Variants in ADCY2 observed in about 807,000 individuals in gnomAD.
ADCY2 encodes adenylate cyclase type 2.
A neutral mutation model predicts 125.2 loss-of-function variants in ADCY2; 31 were observed. That is an observed-to-expected ratio of 0.25 (90% CI 0.19 to 0.33). ADCY2 has a LOEUF of 0.33. ADCY2 is among the 10% of genes least tolerant of loss of function. The probability of loss-of-function intolerance (pLI) is 1.00; values close to 1 mark genes in which losing one functional copy is unlikely to be tolerated. For missense variants in ADCY2, 904 were observed against 1,418.2 expected (o/e 0.64, Z 5.82); for synonymous variants, 512 against 548.4 (o/e 0.93, Z 0.93).
At position 7,396,571 on chromosome 5, in the gene ADCY2, C is replaced by G. The variant is rs1304571662; in HGVS notation, c.210+65C>G. On this transcript the variant is annotated intron_variant, in intron 1 of 24. Transcript: ENST00000338316. This position sits in a 1 kb window ranked among gnomAD's most constrained non-coding sequence, Gnocchi z 5.7. ...CGGCCCTGAGAGGAGCCCGGCCAGCCGAGCCGCGTCCCGCTCCGGGCTGCC... is the reference window on the plus strand; with the variant it reads ...CGGCCCTGAGAGGAGCCCGGCCAGCGGAGCCGCGTCCCGCTCCGGGCTGCC... The G allele has an allele frequency of 1.2e-5, 17 of 1,403,936 alleles. No individual in the cohort carries two copies. The highest frequency in any genetic ancestry group is 4.0e-5 in the South Asian group (3 of 74,234). The allele number at this position is 1,403,936 out of a possible 1,614,324, so 87.0% of individuals were successfully genotyped here.
chr5:7,724,639 C>A (rs755377196), intron 13 of ADCY2, 25 bp downstream of exon 13: 2 of 1,492,074 alleles, frequency 1.3e-6, no homozygotes, highest in South Asian at 1.2e-5. Flanking sequence ...TCTTCAAAAT[C>A]ATCAATCGAG....
At chr5:7,411,462 T>C (rs1739715051) in intron 1 of ADCY2, among the ~76,000 whole-genome samples, 1 of 152,242 alleles carries the variant, frequency 6.6e-6, no homozygotes, top group Non-Finnish European at 1.5e-5. Context: ...AGTTTGCAAC[T>C]GCATTGTCAT....
intron 18 of ADCY2, among the ~76,000 whole-genome samples, chr5:7,782,848 CTGT>C (rs530207151): frequency 7.4e-4 from 113 of 152,318 alleles, no homozygotes; most frequent in African/African-American, 2.7e-3. Context: ...TTCAGCTGTG[CTGT>C]TGGACACCGC....
At chr5:7,484,726 T>C (rs1742861117) in intron 2 of ADCY2, among the ~76,000 whole-genome samples, 1 of 152,218 alleles carries the variant, frequency 6.6e-6, no homozygotes, top group Non-Finnish European at 1.5e-5. Flanking sequence ...TTCTCTTGGG[T>C]ACCAGTTTTC....
chr5:7,806,562 C>T (rs917574668), intron 22 of ADCY2, among the ~76,000 whole-genome samples: 8 of 152,218 alleles, frequency 5.3e-5, no homozygotes, highest in Admixed American at 3.3e-4. Flanking sequence ...CTGTCTTGCA[C>T]ACAGCAGCCT....
intron 11 of ADCY2, 113 bp from the exon 12 acceptor site, chr5:7,717,044 A>G (rs1741613436): frequency 1.5e-6 from 1 of 658,784 alleles, no homozygotes; most frequent in African/African-American, 1.8e-5. Flanking sequence ...GCATGCAACA[A>G]AATGTCATCT....
chr5:7,521,506 A>G (rs555999988), intron 3 of ADCY2, among the ~76,000 whole-genome samples: 3 of 152,306 alleles, frequency 2.0e-5, no homozygotes, highest in South Asian at 2.1e-4. Context: ...AAACATGAGG[A>G]TGATTTGGAG....
chr5:7,701,428 C>T (rs182315650), intron 7 of ADCY2, among the ~76,000 whole-genome samples: 31 of 152,276 alleles, frequency 2.0e-4, no homozygotes, highest in African/African-American at 7.5e-4. Context: ...ATTAGAAATA[C>T]TATTACATTT....
At chr5:7,571,645 G>A (rs1393654908) in intron 3 of ADCY2, among the ~76,000 whole-genome samples, 1 of 152,072 alleles carries the variant, frequency 6.6e-6, no homozygotes, top group African/African-American at 2.4e-5. Flanking sequence ...AATTTTGTTT[G>A]TCCTTTACTT....
chr5:7,694,542 C>A (rs1329216549), intron 5 of ADCY2, among the ~76,000 whole-genome samples: 1 of 152,196 alleles, frequency 6.6e-6, no homozygotes, highest in Non-Finnish European at 1.5e-5. Context: ...ACAGTATTTG[C>A]TCTTTGTACC....
At chr5:7,814,946 C>T (rs935463979) in intron 22 of ADCY2, among the ~76,000 whole-genome samples, 3 of 152,168 alleles carry the variant, frequency 2.0e-5, no homozygotes. Context: ...TGCTGGTTCC[C>T]CTCCCCCCGA....
chr5:7,741,157 T>C (rs953005703), intron 14 of ADCY2, among the ~76,000 whole-genome samples: 2 of 152,050 alleles, frequency 1.3e-5, no homozygotes, highest in African/African-American at 4.8e-5. Flanking sequence ...AAATAGATAA[T>C]TTTCTAGGAA....
At chr5:7,475,470 C>T (rs1742488813) in intron 2 of ADCY2, among the ~76,000 whole-genome samples, 1 of 152,114 alleles carries the variant, frequency 6.6e-6, no homozygotes, top group Admixed American at 6.5e-5. Context: ...CAACCTCCGT[C>T]CCCCGGGTTT....
At chr5:7,749,195 A>G (rs1279832163) in intron 15 of ADCY2, among the ~76,000 whole-genome samples, 2 of 152,184 alleles carry the variant, frequency 1.3e-5, no homozygotes, top group Admixed American at 6.5e-5. Context: ...TTCCTAAAGT[A>G]TGTTTTTCAG....
rs563704042 is a variant in ADCY2 at position 7,421,008 on chromosome 5, G to A, written c.408+6238G>A. Among the ~76,000 whole-genome samples, 101 of 152,274 alleles carry A rather than the reference G, an allele frequency of 6.6e-4. 1 individual carries two copies. Among genetic ancestry groups the A allele is most frequent in the African/African-American group, 2.4e-3 (99 of 41,546 alleles). On this transcript the variant is annotated intron_variant, in intron 2 of 24. Transcript: ENST00000338316. The stretch of plus-strand genomic sequence containing the variant: ...TTATTTTTAAGAAATCAGTGGCAGA[G>A]TGTATCTCTCCCTCTCTGTCCAGCT...
At chr5:7,723,244 A>G (rs1741821517) in intron 12 of ADCY2, among the ~76,000 whole-genome samples, 1 of 152,182 alleles carries the variant, frequency 6.6e-6, no homozygotes, top group South Asian at 2.1e-4. Flanking sequence ...ACAAACCCCC[A>G]TGACACAAAT....
chr5:7,664,561 G>A (rs937834378), intron 4 of ADCY2, among the ~76,000 whole-genome samples: 1 of 152,074 alleles, frequency 6.6e-6, no homozygotes. Flanking sequence ...TCATCACATG[G>A]GTTTTCTGTG....
At chr5:7,739,395 T>C (rs1054179517) in intron 14 of ADCY2, among the ~76,000 whole-genome samples, 2 of 151,758 alleles carry the variant, frequency 1.3e-5, no homozygotes, top group African/African-American at 4.8e-5. Context: ...TATCAAAATG[T>C]GTGGGATTGC....
chr5:7,526,237 T>C (rs1395696064), intron 3 of ADCY2, among the ~76,000 whole-genome samples: 1 of 152,182 alleles, frequency 6.6e-6, no homozygotes, highest in East Asian at 1.9e-4. Context: ...CTGGTGCAGA[T>C]GCTTCCTTAC....
Sources: allele counts gnomAD v4.1 joint callset (sites outside exome capture counted in the v4.1 genomes callset), GRCh38; gene constraint gnomAD v4.1.1; non-coding constraint Gnocchi (gnomAD v3.1); transcripts MANE v1.5; gene names NCBI Gene and HGNC (gene_info 2026-07-23, HGNC 2026-07-21).